SMYD3: variants seen among roughly 807,000 people sequenced by gnomAD.
The protein encoded by SMYD3 is histone-lysine N-methyltransferase SMYD3.
Under a neutral mutation model 57.7 loss-of-function variants are expected in SMYD3, and 36 were observed. That is an observed-to-expected ratio of 0.62 (90% CI 0.48 to 0.82). The LOEUF (loss-of-function observed/expected upper bound fraction) is 0.82. Ranked by LOEUF, SMYD3 falls within the 40% of genes least tolerant of loss-of-function variation. SMYD3 has a pLI of 0.00. For missense variants in SMYD3, 515 were observed against 538.8 expected (o/e 0.96, Z 0.44); for synonymous variants, 211 against 195.0 (o/e 1.08, Z -0.68).
At chr1:245,797,679 T>G (rs6657241) in intron 10 of SMYD3, among the ~76,000 whole-genome samples, 15 of 151,766 alleles carry the variant, frequency 9.9e-5, no homozygotes, top group East Asian at 1.9e-4. Context: ...TATAATTATA[T>G]ATAGATAGAT....
intron 10 of SMYD3, among the ~76,000 whole-genome samples, chr1:245,816,632 G>C: frequency 6.6e-6 from 1 of 152,016 alleles, no homozygotes; most frequent in East Asian, 1.9e-4. Flanking sequence ...TTCCATCTGA[G>C]GTACCGGGTT....
chr1:246,231,491 T>C (rs2063408644), intron 5 of SMYD3, among the ~76,000 whole-genome samples: 1 of 152,228 alleles, frequency 6.6e-6, no homozygotes, highest in Non-Finnish European at 1.5e-5. Flanking sequence ...TTCTACATAG[T>C]AACTATAAAC....
At chr1:246,139,867 C>CCATGGATAGTCCG (rs1297041977) in intron 5 of SMYD3, among the ~76,000 whole-genome samples, 1 of 152,184 alleles carries the variant, frequency 6.6e-6, no homozygotes, top group Non-Finnish European at 1.5e-5. Flanking sequence ...TTTAAATATG[C>CCATGGATAGTCCG]CATGGATAGT....
intron 5 of SMYD3, among the ~76,000 whole-genome samples, chr1:246,082,858 G>T (rs2060659984): frequency 2.0e-5 from 3 of 151,906 alleles, no homozygotes; most frequent in African/African-American, 7.3e-5. Context: ...TGTCAACTCA[G>T]GGTTAAATGG....
At chr1:246,465,712 A>G (rs570374356) in intron 1 of SMYD3, among the ~76,000 whole-genome samples, 1 of 152,320 alleles carries the variant, frequency 6.6e-6, no homozygotes, top group Non-Finnish European at 1.5e-5. Context: ...TAAAAAATAA[A>G]TAAATAAAAA....
intron 1 of SMYD3, among the ~76,000 whole-genome samples, chr1:246,493,209 T>G (rs1553356418): frequency 1.6e-5 from 2 of 125,114 alleles, no homozygotes; most frequent in Non-Finnish European, 1.7e-5. Context: ...TCCTAGCTAC[T>G]GGGGGGGAGG....
intron 5 of SMYD3, among the ~76,000 whole-genome samples, chr1:246,128,905 G>T (rs2061547432): frequency 6.6e-6 from 1 of 152,056 alleles, no homozygotes; most frequent in Non-Finnish European, 1.5e-5. Flanking sequence ...CCCAGCTCAG[G>T]TGATCCTCCC....
At chr1:245,902,323 A>G (rs1217195602) in intron 8 of SMYD3, among the ~76,000 whole-genome samples, 1 of 152,120 alleles carries the variant, frequency 6.6e-6, no homozygotes, top group Non-Finnish European at 1.5e-5. Context: ...GGCCACTGCC[A>G]CCTACAGCGA....
chr1:246,025,537 G>A (rs1025732561), intron 5 of SMYD3, among the ~76,000 whole-genome samples: 17 of 152,126 alleles, frequency 1.1e-4, no homozygotes, highest in Non-Finnish European at 2.4e-4. Context: ...AATTATGTAA[G>A]GTCAAAACAC....
At chr1:245,837,774 C>CA (rs1246214054) in intron 10 of SMYD3, among the ~76,000 whole-genome samples, 2 of 152,174 alleles carry the variant, frequency 1.3e-5, no homozygotes, top group African/African-American at 4.8e-5. Context: ...CTGAAACACT[C>CA]AGACTATCTC....
At chr1:246,075,604 C>A (rs532328911) in intron 5 of SMYD3, among the ~76,000 whole-genome samples, 18 of 152,090 alleles carry the variant, frequency 1.2e-4, no homozygotes, top group African/African-American at 4.3e-4. Context: ...ACCGGAGGTG[C>A]TAAAGGAAGT....
chr1:246,315,272 A>T (rs2065138921), intron 5 of SMYD3, among the ~76,000 whole-genome samples: 1 of 152,214 alleles, frequency 6.6e-6, no homozygotes, highest in Non-Finnish European at 1.5e-5. Context: ...AAAAGGACAG[A>T]CAACTTAGAA....
chr1:245,887,099 T>C (rs1396409947), intron 8 of SMYD3, among the ~76,000 whole-genome samples: 1 of 152,026 alleles, frequency 6.6e-6, no homozygotes, highest in Non-Finnish European at 1.5e-5. Context: ...TCCCAGATGG[T>C]TAAGGCATTC....
chr1:246,180,012 A>C (rs1310642315), intron 5 of SMYD3, among the ~76,000 whole-genome samples: 3 of 152,062 alleles, frequency 2.0e-5, no homozygotes, highest in South Asian at 2.1e-4. Flanking sequence ...GTACTCAGTT[A>C]AAAGGAAACA....
intron 11 of SMYD3, among the ~76,000 whole-genome samples, chr1:245,762,959 G>A (rs948603096): frequency 6.6e-6 from 1 of 152,136 alleles, no homozygotes; most frequent in Admixed American, 6.5e-5. Flanking sequence ...ACCCACCAGT[G>A]CCTGGCCAGG....
intron 10 of SMYD3, among the ~76,000 whole-genome samples, chr1:245,778,900 C>T (rs2046717662): frequency 6.6e-6 from 1 of 152,108 alleles, no homozygotes; most frequent in Non-Finnish European, 1.5e-5. Flanking sequence ...TGGCTCACAC[C>T]TGTAATCCCA....
chr1:246,504,999 C>T (rs2068514484), intron 1 of SMYD3, among the ~76,000 whole-genome samples: 1 of 152,174 alleles, frequency 6.6e-6, no homozygotes, highest in Admixed American at 6.5e-5. Flanking sequence ...ACTATAACCA[C>T]TAAAATGGGA....
chr1:246,339,922 T>C (rs945271663), intron 2 of SMYD3, among the ~76,000 whole-genome samples: 15 of 152,216 alleles, frequency 9.9e-5, no homozygotes, highest in Admixed American at 3.9e-4. Context: ...AACCTTGGAC[T>C]TCCCGGCCTC....
intron 1 of SMYD3, among the ~76,000 whole-genome samples, chr1:246,456,041 T>C (rs2067695559): frequency 1.3e-5 from 2 of 151,548 alleles, no homozygotes; most frequent in Admixed American, 1.3e-4. Flanking sequence ...ATTAAAACAG[T>C]ACAATTAAGA....
Sources: gnomAD v4.1 joint callset for allele counts (sites outside exome capture counted in the v4.1 genomes callset) on GRCh38, gnomAD v4.1.1 for gene constraint, MANE v1.5 for transcripts, NCBI Gene and HGNC (gene_info 2026-07-23, HGNC 2026-07-21) for gene names.